The following SLC6A15 variants were observed in gnomAD, a reference collection of about 807,000 sequenced individuals.
The protein encoded by SLC6A15 is solute carrier family 6 member 15, also known as sodium-dependent neutral amino acid transporter B(0)AT2.
In SLC6A15, 33 loss-of-function variants were observed where a neutral mutation model predicts 68.5. The ratio of observed to expected loss-of-function variants is 0.48; its 90% confidence interval spans 0.37 to 0.64. The LOEUF is 0.64. SLC6A15 is among the 30% of genes least tolerant of loss of function. The pLI is 0.00. For missense variants in SLC6A15, 747 were observed against 874.3 expected (o/e 0.85, Z 1.84); for synonymous variants, 347 against 301.0 (o/e 1.15, Z -1.58).
rs1870931707 is a variant in SLC6A15, at chr12:84,863,384, TA to T, written c.1818+54del. ...GATGGAGACAAAAGAAAAAGCCCTC[TA>T]AAAAAGCTTTTTATATATCTTTTAA... On this transcript the variant is annotated intron_variant, in intron 11 of 11. Transcript: ENST00000266682. 1.9e-5 allele frequency: 27 copies of T among 1,420,094 alleles called. No individual in the cohort carries two copies. The South Asian group carries it at 3.3e-4, about 17-fold the overall frequency. 88.0% of individuals were successfully genotyped at this position (1,420,094 alleles called of 1,614,324 possible).
intron 1 of SLC6A15, among the ~76,000 whole-genome samples, chr12:84,908,425 G>C (rs1162526021): frequency 6.6e-6 from 1 of 151,850 alleles, no homozygotes; most frequent in Non-Finnish European, 1.5e-5. Context: ...AAATCAGGGG[G>C]TCGTCAAAAT....
At chr12:84,906,238 TG>T (rs1170961692) in intron 1 of SLC6A15, among the ~76,000 whole-genome samples, 2 of 152,070 alleles carry the variant, frequency 1.3e-5, no homozygotes, top group Non-Finnish European at 2.9e-5. Flanking sequence ...TAACAAAACC[TG>T]GATGGTACAT....
chr12:84,881,382 A>G (rs954997636), intron 5 of SLC6A15: 34 of 897,872 alleles, frequency 3.8e-5, no homozygotes, highest in African/African-American at 2.9e-4. Flanking sequence ...TTTGCTCTCT[A>G]TGGCCACACA....
intron 1 of SLC6A15, among the ~76,000 whole-genome samples, chr12:84,900,918 A>T (rs1335418585): frequency 8.2e-6 from 1 of 121,632 alleles, no homozygotes; most frequent in Non-Finnish European, 1.7e-5. Context: ...GTATATATAT[A>T]CATACATATA....
At chr12:84,864,364 G>A (rs1488670373) in intron 10 of SLC6A15, among the ~76,000 whole-genome samples, 7 of 144,120 alleles carry the variant, frequency 4.9e-5, no homozygotes, top group Non-Finnish European at 1.0e-4. Context: ...CTGTTGCCCA[G>A]GCTGGAGTAC....
chr12:84,870,607 A>C lies in SLC6A15; in HGVS notation c.1366T>G (p.Ser456Ala). ...AAAAACATCACTGACCAGAAGGGAGATGCAGGAAAATGTGTCATCGCTTCT... is the reference window on the plus strand; with the variant it reads ...AAAAACATCACTGACCAGAAGGGAGCTGCAGGAAAATGTGTCATCGCTTCT... ...FTEAMTHFPASPFWSVMFFLM... is the reference protein window; with the variant it reads ...FTEAMTHFPAAPFWSVMFFLM... Residue 456 changes from serine (S) to alanine (A), a missense_variant, in exon 9 of 12, where the codon TCT (serine) becomes GCT (alanine). Transcript: ENST00000266682. The C allele has an allele frequency of 6.2e-7, 1 of 1,612,504 alleles. No individual in the cohort carries two copies. The highest frequency in any genetic ancestry group is 8.5e-7 in the Non-Finnish European group (1 of 1,179,194).
rs1870786586 is a variant in SLC6A15, at chr12:84,860,180, T to C, written c.*1452A>G. Reference sequence around the variant, plus strand: ...GAGCGAGAATACTGGCTGAAATAAATCAATTGATATGGCATGTGTATTACC... The same window carrying C: ...GAGCGAGAATACTGGCTGAAATAAACCAATTGATATGGCATGTGTATTACC... On this transcript the variant is annotated 3_prime_UTR_variant, in exon 12 of 12. Coordinates refer to ENST00000266682, the MANE Select transcript of SLC6A15 (RefSeq NM_182767.6). 6.6e-6 allele frequency: 1 copy of C among 152,074 alleles called. No individual in the cohort carries two copies. Among genetic ancestry groups the C allele is most frequent in the Admixed American group, 6.5e-5 (1 of 15,268 alleles). 9.4% of individuals were successfully genotyped at this position (152,074 alleles called of 1,614,324 possible). A position where few individuals can be genotyped will look rare whatever the true frequency, so the allele number is the denominator to read the frequency against.
intron 10 of SLC6A15, among the ~76,000 whole-genome samples, chr12:84,864,777 T>C (rs1055557028): frequency 1.3e-5 from 2 of 152,180 alleles, no homozygotes; most frequent in Non-Finnish European, 2.9e-5. Context: ...CAGTTCTGTG[T>C]TCTTTTGATG....
chr12:84,885,948 C>T lies in SLC6A15; in HGVS notation c.410G>A (p.Ser137Asn), dbSNP rs770024937. The change falls in exon 3 of 12, where the codon AGC (serine) becomes AAC (asparagine). Residue 137 changes from serine to asparagine, a missense_variant. Coordinates refer to ENST00000266682, the MANE Select transcript of SLC6A15 (RefSeq NM_182767.6). The part of the protein sequence containing the change: ...RGSIGVWNYI[S>N]PKLGGIGFAS... ...AAATCCAATCCCGCCCAGTTTAGGG[C>T]TTATGTAATTCCATACACCAATGCT... The T allele has an allele frequency of 9.3e-6, 15 of 1,612,166 alleles. No individual in the cohort carries two copies. The highest frequency in any genetic ancestry group is 1.3e-5 in the Non-Finnish European group (15 of 1,179,010).
At chr12:84,888,713 T>C (rs975487266) in intron 2 of SLC6A15, among the ~76,000 whole-genome samples, 42 of 152,166 alleles carry the variant, frequency 2.8e-4, no homozygotes, top group African/African-American at 9.9e-4. Flanking sequence ...TTCACCACTA[T>C]ATAATTCATT....
At position 84,861,686 on chromosome 12, in the gene SLC6A15, T is replaced by C. The variant is rs1870854938; in HGVS notation, c.2139A>G (p.Gly713=). ...TLDTAPNGRY[G]IGYLMADIMP... Reference sequence around the variant, plus strand: ...TAATATCTGCCATCAAGTACCCTATTCCATACCGTCCATTGGGAGCAGTAT... The same window carrying C: ...TAATATCTGCCATCAAGTACCCTATCCCATACCGTCCATTGGGAGCAGTAT... Residue 713 remains glycine (G), a synonymous_variant, in exon 12 of 12, where the codon GGA becomes GGG. Coordinates refer to ENST00000266682, the MANE Select transcript of SLC6A15 (RefSeq NM_182767.6). 6.2e-7 allele frequency: 1 copy of C among 1,613,776 alleles called. No homozygotes were observed. The highest frequency in any genetic ancestry group is 2.2e-5 in the East Asian group (1 of 44,874).
chr12:84,878,180 C>T (rs891716255), intron 5 of SLC6A15, among the ~76,000 whole-genome samples: 6 of 152,116 alleles, frequency 3.9e-5, no homozygotes, highest in African/African-American at 1.2e-4. Flanking sequence ...TGCCAGCATA[C>T]TTTAGAACAC....
rs762144413 is a variant in SLC6A15 at position 84,861,745 on chromosome 12, T to A, written c.2080A>T (p.Ile694Phe). The part of the protein sequence containing the change: ...EMPSPNFGKN[I>F]YRKQSGSPTL... ...GGGGATCCACTCTGTTTTCGATAAA[T>A]ATTTTTACCAAAATTTGGAGATGGC... Residue 694 changes from isoleucine to phenylalanine, a missense_variant, in exon 12 of 12, where the codon ATT (isoleucine) becomes TTT (phenylalanine). Physicochemically the swap from Ile to Phe is conservative, Grantham distance 21. Coordinates refer to ENST00000266682, the MANE Select transcript of SLC6A15 (RefSeq NM_182767.6). The A allele has an allele frequency of 1.2e-6, 2 of 1,613,990 alleles. No homozygotes were observed. The highest frequency in any genetic ancestry group is 1.7e-6 in the Non-Finnish European group (2 of 1,179,918).
chr12:84,887,051 T>C (rs1872143115), intron 2 of SLC6A15, among the ~76,000 whole-genome samples: 2 of 152,158 alleles, frequency 1.3e-5, no homozygotes, highest in South Asian at 4.1e-4. Flanking sequence ...CAAGGGATCT[T>C]CCCACCTCAG....
chr12:84,886,252 A>G (rs1484398569), intron 2 of SLC6A15, among the ~76,000 whole-genome samples, 184 bp from the exon 3 acceptor site: 10 of 152,186 alleles, frequency 6.6e-5, no homozygotes, highest in Non-Finnish European at 1.5e-4. Flanking sequence ...TGATTTCTAC[A>G]AAGAGTTTCT....
intron 7 of SLC6A15, 28 bp from the exon 8 acceptor site, chr12:84,872,822 G>T: frequency 6.5e-7 from 1 of 1,542,914 alleles, no homozygotes; most frequent in South Asian, 1.2e-5. Context: ...ATACAAATGA[G>T]CACATAAGAG....
At chr12:84,891,732 GAA>G in intron 2 of SLC6A15, 98 bp downstream of exon 2, 1 of 1,238,558 alleles carries the variant, frequency 8.1e-7, no homozygotes, top group Non-Finnish European at 1.1e-6. Flanking sequence ...CAATGAAATT[GAA>G]AGTTTCAAAA....
At chr12:84,906,026 A>C (rs1476595871) in intron 1 of SLC6A15, among the ~76,000 whole-genome samples, 7 of 152,178 alleles carry the variant, frequency 4.6e-5, no homozygotes, top group African/African-American at 1.7e-4. Context: ...TTTTTTGCAG[A>C]TATTTTGATT....
Position 84,870,730 on chromosome 12 carries a change from A to G in SLC6A15, c.1303-60T>C. 1.0e-5 allele frequency: 11 copies of G among 1,052,276 alleles called. No homozygotes were observed. The South Asian group carries it at 2.0e-4, about 19-fold the overall frequency. 65.2% of individuals were successfully genotyped at this position (1,052,276 alleles called of 1,614,324 possible). A position where few individuals can be genotyped will look rare whatever the true frequency, so the allele number is the denominator to read the frequency against. On this transcript the variant is annotated intron_variant, in intron 8 of 11. Coordinates refer to ENST00000266682, the MANE Select transcript of SLC6A15 (RefSeq NM_182767.6). ...AGTAATTATTAAACAATGGCTCTAT[A>G]TGTCAGTTACAATGAGGAGGAAAGA... is the stretch of plus-strand genomic sequence containing the variant.
Sources: allele counts gnomAD v4.1 joint callset (sites outside exome capture counted in the v4.1 genomes callset), GRCh38; gene constraint gnomAD v4.1.1; transcripts MANE v1.5; gene names NCBI Gene and HGNC (gene_info 2026-07-23, HGNC 2026-07-21).